The following CACNA2D4 variants were observed in gnomAD, a reference collection of about 807,000 sequenced individuals.
CACNA2D4 encodes the protein calcium voltage-gated channel auxiliary subunit alpha2delta 4, also known as voltage-dependent calcium channel subunit alpha-2/delta-4.
A neutral mutation model predicts 163.8 loss-of-function variants in CACNA2D4; 157 were observed. That is an observed-to-expected ratio of 0.96 (90% confidence interval 0.84 to 1.09). CACNA2D4 has a LOEUF of 1.09. Among genes scored for constraint, CACNA2D4 ranks in the 50% least tolerant of loss-of-function variants. The pLI, the probability that CACNA2D4 is intolerant of heterozygous loss-of-function variation, is 0.00. For synonymous variants in CACNA2D4, 598 were observed against 586.9 expected, an observed-to-expected ratio of 1.02 and a Z score of -0.27; for missense variants, 1,410 against 1,479.9, an observed-to-expected ratio of 0.95 and a Z score of 0.78.
chr12:1,884,012 A>G (rs914662198), intron 12 of CACNA2D4: 6 of 531,292 alleles, frequency 1.1e-5, no homozygotes, highest in African/African-American at 7.5e-5. Context: ...ACCAGAGTCC[A>G]TGGCTTACTT....
rs1399580541 is a variant in CACNA2D4, at chr12:1,918,363, G to A, written c.111C>T (p.Leu37=). ...AGGCCCAGGCCACGGGCATTGGCTG[G>A]AGGGGAATCCAGCGGCTGCTGGAGC... is the stretch of plus-strand genomic sequence containing the variant. The part of the protein sequence containing the change: ...NPSSSSRWIP[L]QPMPVAWAFV... Residue 37 remains leucine (L), a synonymous_variant, in exon 1 of 38, where the codon CTC becomes CTT. Coordinates refer to ENST00000382722, the MANE Select transcript of CACNA2D4 (RefSeq NM_172364.5). 6.2e-7 allele frequency: 1 copy of A among 1,607,068 alleles called. No homozygotes were observed. The highest frequency in any genetic ancestry group is 8.5e-7 in the Non-Finnish European group (1 of 1,176,904).
At chr12:1,866,381 C>CA (rs1865651401) in intron 18 of CACNA2D4, among the ~76,000 whole-genome samples, 1 of 152,204 alleles carries the variant, frequency 6.6e-6, no homozygotes, top group Non-Finnish European at 1.5e-5. Flanking sequence ...ACAAACCCCA[C>CA]AATGCAACAT....
At chr12:1,908,067 C>G in intron 4 of CACNA2D4, 30 bp from the exon 5 acceptor site, 1 of 1,589,326 alleles carries the variant, frequency 6.3e-7, no homozygotes, top group Non-Finnish European at 8.6e-7. Flanking sequence ...CCCACGGAGG[C>G]GGCCCGAGCA....
chr12:1,907,634 C>G (rs757161699), intron 5 of CACNA2D4, 63 bp from the exon 6 acceptor site: 4 of 1,492,468 alleles, frequency 2.7e-6, no homozygotes, highest in East Asian at 2.3e-5. Flanking sequence ...TGATCATGCC[C>G]GGTGAGGGTG....
At chr12:1,890,820 C>G (rs1422508445) in intron 6 of CACNA2D4, among the ~76,000 whole-genome samples, 1 of 152,198 alleles carries the variant, frequency 6.6e-6, no homozygotes. Context: ...CCCACTCTAC[C>G]ATCGTTGGCA....
chr12:1,821,238 G>T (rs565678425), intron 26 of CACNA2D4, among the ~76,000 whole-genome samples: 244 of 152,346 alleles, frequency 1.6e-3, no homozygotes, highest in Non-Finnish European at 2.8e-3. Flanking sequence ...GTCAGGTGCT[G>T]GGGACAGGGC....
In CACNA2D4 at chr12:1,878,793, C is replaced by A. The variant is rs1220630889; in HGVS notation, c.1644+163G>T. Among the ~76,000 whole-genome samples the A allele has an allele frequency of 6.6e-6, 1 of 152,252 alleles. No individual in the cohort carries two copies. The highest frequency in any genetic ancestry group is 1.9e-4 in the East Asian group (1 of 5,164). On this transcript the variant is annotated intron_variant, in intron 15 of 37. Coordinates refer to ENST00000382722, the MANE Select transcript of CACNA2D4 (RefSeq NM_172364.5). This position sits in a 1 kb window ranked among gnomAD's most constrained non-coding sequence, Gnocchi z 4.6. Reference sequence around the variant, plus strand: ...TGGTGGGAAAGGGACCCAGGGGCACCAGTTGCTGCTCCCCTGCTCAGCACC... The same window carrying A: ...TGGTGGGAAAGGGACCCAGGGGCACAAGTTGCTGCTCCCCTGCTCAGCACC...
At position 1,917,829 on chromosome 12, in the gene CACNA2D4, C is replaced by T. The variant is rs1867029407; in HGVS notation, c.227+418G>A. ...GAACTGCTTCCCCTTTTTGGAATGT[C>T]AAAATACGCATTTCCTGCCAAATGC... On this transcript the variant is annotated intron_variant, in intron 1 of 37. Transcript: ENST00000382722. This position sits in a 1 kb window ranked among gnomAD's most constrained non-coding sequence, Gnocchi z 4.3. 5.2e-6 allele frequency: 1 copy of T among 190,966 alleles called. No homozygotes were observed. Among genetic ancestry groups the T allele is most frequent in the African/African-American group, 2.4e-5 (1 of 41,696 alleles). 11.8% of individuals were successfully genotyped at this position (190,966 alleles called of 1,614,324 possible).
At position 1,828,693 on chromosome 12, in the gene CACNA2D4, C is replaced by T. The variant is rs1206014553; in HGVS notation, c.2551+12046G>A. ...GAGATGTCTCTTATGCTCCTTATGC[C>T]TCCGCTTTCCCAACTCTCGGTAGAG... is the stretch of plus-strand genomic sequence containing the variant. On this transcript the variant is annotated intron_variant, in intron 26 of 37. Transcript: ENST00000382722. This position sits in a 1 kb window ranked among gnomAD's most constrained non-coding sequence, Gnocchi z 4.2. Among the ~76,000 whole-genome samples, 1 of 152,196 alleles carries T rather than the reference C, an allele frequency of 6.6e-6. No homozygotes were observed.
intron 26 of CACNA2D4, chr12:1,827,857 C>T (rs73046076): frequency 0.056 from 20,723 of 367,802 alleles, 651 homozygotes; most frequent in East Asian, 0.093. Context: ...GCACTGTGCC[C>T]GACCCTCGGG....
At chr12:1,805,825 G>A (rs1863516220) in intron 29 of CACNA2D4, among the ~76,000 whole-genome samples, 2 of 152,280 alleles carry the variant, frequency 1.3e-5, no homozygotes, top group Admixed American at 6.5e-5. Context: ...GCTGCCCAGA[G>A]TGGAAAGGAT....
chr12:1,845,274 G>C (rs2154447883), intron 24 of CACNA2D4, among the ~76,000 whole-genome samples: 1 of 152,062 alleles, frequency 6.6e-6, no homozygotes, highest in East Asian at 1.9e-4. Context: ...GCACTGGGAA[G>C]GTCTGTCTGC....
At position 1,874,162 on chromosome 12, in the gene CACNA2D4, A is replaced by C. The variant is rs1865838121; in HGVS notation, c.1878+442T>G. ...TTAGTGAGGGCATTGATTCCTAACTATCTGGGAATGACAGTGGATGAAAAT... is the reference window on the plus strand; with the variant it reads ...TTAGTGAGGGCATTGATTCCTAACTCTCTGGGAATGACAGTGGATGAAAAT... On this transcript the variant is annotated intron_variant, in intron 18 of 37. Transcript: ENST00000382722. This position sits in a 1 kb window ranked among gnomAD's most constrained non-coding sequence, Gnocchi z 4.4. Among the ~76,000 whole-genome samples the C allele has an allele frequency of 1.3e-5, 2 of 152,254 alleles. No individual in the cohort carries two copies. The highest frequency in any genetic ancestry group is 2.9e-5 in the Non-Finnish European group (2 of 68,046).
intron 29 of CACNA2D4, among the ~76,000 whole-genome samples, chr12:1,808,662 G>C (rs1485635572): frequency 6.6e-6 from 1 of 152,048 alleles, no homozygotes; most frequent in East Asian, 1.9e-4. Context: ...GCTCTCTCTG[G>C]GATGCCTTAG....
At chr12:1,880,039 C>T (rs1043902202) in intron 13 of CACNA2D4, among the ~76,000 whole-genome samples, 158 bp from the exon 14 acceptor site, 1 of 152,262 alleles carries the variant, frequency 6.6e-6, no homozygotes, top group African/African-American at 2.4e-5. Context: ...GGATTCCCTT[C>T]TCTGCAAAAG....
rs776390464 is a variant in CACNA2D4, at chr12:1,868,357, C to G, written c.1878+6247G>C. On this transcript the variant is annotated intron_variant, in intron 18 of 37. Coordinates refer to ENST00000382722, the MANE Select transcript of CACNA2D4 (RefSeq NM_172364.5). The stretch of plus-strand genomic sequence containing the variant: ...TATGCTACGTGAAATTAGCCAGACA[C>G]AGAAAAAAATGCTGCGTGATCTCAC... 4.0e-5 allele frequency among the ~76,000 whole-genome samples: 6 copies of G among 151,808 alleles called. No individual in the cohort carries two copies. In the South Asian group the frequency reaches 6.3e-4, roughly 16 times the overall value.
At chr12:1,912,685 C>T (rs1592753177) in intron 3 of CACNA2D4, among the ~76,000 whole-genome samples, 1 of 152,230 alleles carries the variant, frequency 6.6e-6, no homozygotes, top group Non-Finnish European at 1.5e-5. Flanking sequence ...AGGTGCTCAC[C>T]CCGTGCAGTG....
chr12:1,838,028 C>T (rs1456337384), intron 26 of CACNA2D4, among the ~76,000 whole-genome samples: 1 of 152,202 alleles, frequency 6.6e-6, no homozygotes, highest in Admixed American at 6.5e-5. Context: ...GAAGAATGCC[C>T]GTCTGCTGGA....
intron 29 of CACNA2D4, among the ~76,000 whole-genome samples, chr12:1,805,180 A>AC (rs892735995): frequency 1.1e-3 from 164 of 151,176 alleles, no homozygotes; most frequent in African/African-American, 3.5e-3. Flanking sequence ...AGAGTCGAGG[A>AC]CCCCCCCTGC....
Sources: allele counts gnomAD v4.1 joint callset (sites outside exome capture counted in the v4.1 genomes callset), GRCh38; gene constraint gnomAD v4.1.1; non-coding constraint Gnocchi (gnomAD v3.1); transcripts MANE v1.5; gene names NCBI Gene and HGNC (gene_info 2026-07-23, HGNC 2026-07-21).